Variants in GRM8 observed in about 807,000 individuals in gnomAD.
GRM8 encodes metabotropic glutamate receptor 8.
Under a neutral mutation model 87.2 loss-of-function variants are expected in GRM8, and 47 were observed. That is an observed-to-expected ratio of 0.54 (90% CI 0.43 to 0.69). The LOEUF (loss-of-function observed/expected upper bound fraction) is 0.69, where lower values mean the gene tolerates loss of function less well. Ranked by LOEUF, GRM8 falls within the 30% of genes least tolerant of loss-of-function variation. The pLI is 0.00. For missense variants in GRM8, 1,019 were observed against 1,139.2 expected, an observed-to-expected ratio of 0.89 and a Z score of 1.52; for synonymous variants, 396 against 404.5, an observed-to-expected ratio of 0.98 and a Z score of 0.25.
At chr7:126,808,044 T>TA (rs1254355853) in intron 6 of GRM8, among the ~76,000 whole-genome samples, 3 of 152,092 alleles carry the variant, frequency 2.0e-5, no homozygotes, top group Non-Finnish European at 4.4e-5. Flanking sequence ...ACAGCTACAG[T>TA]AAAAATAGAT....
intron 9 of GRM8, among the ~76,000 whole-genome samples, chr7:126,515,996 T>C (rs1812108127): frequency 6.6e-6 from 1 of 152,136 alleles, no homozygotes; most frequent in African/African-American, 2.4e-5. Flanking sequence ...GTCTACTTTA[T>C]ATATTTTATT....
chr7:126,649,045 C>G (rs1278838132), intron 7 of GRM8, among the ~76,000 whole-genome samples: 1 of 152,188 alleles, frequency 6.6e-6, no homozygotes, highest in Non-Finnish European at 1.5e-5. Flanking sequence ...TCAAGTACAT[C>G]ACACTATCTT....
At chr7:126,484,338 C>T (rs755466937) in intron 9 of GRM8, among the ~76,000 whole-genome samples, 1 of 151,912 alleles carries the variant, frequency 6.6e-6, no homozygotes, top group Non-Finnish European at 1.5e-5. Flanking sequence ...TACATTATGA[C>T]TAAGGAAATA....
chr7:126,919,958 T>C lies in GRM8; in HGVS notation c.728-15275A>G, dbSNP rs533330287. Among the ~76,000 whole-genome samples the C allele has an allele frequency of 3.3e-5, 5 of 152,314 alleles. No homozygotes were observed. The East Asian group carries it at 7.7e-4, about 23-fold the overall frequency. ...AATAGAACACATTCATTTACCTCCA[T>C]GTTATAAACTGAATGTCTGTGTACT... On this transcript the variant is annotated intron_variant, in intron 3 of 10. Coordinates refer to ENST00000339582, the MANE Select transcript of GRM8 (RefSeq NM_000845.3).
chr7:127,228,653 A>T (rs931201671), intron 2 of GRM8: 5 of 152,186 alleles, frequency 3.3e-5, no homozygotes, highest in African/African-American at 1.2e-4. Flanking sequence ...AATTAGGAAA[A>T]ATAATCACTT....
In GRM8 at chr7:126,994,226, C is replaced by A. The variant is rs17865306; in HGVS notation, c.728-89543G>T. ...CTACCTCCCAGATGACATTTCTAGA[C>A]ACACTCTCGGCCAGAAGAGAAACAT... On this transcript the variant is annotated intron_variant, in intron 3 of 10. Coordinates refer to ENST00000339582, the MANE Select transcript of GRM8 (RefSeq NM_000845.3). 1.2e-4 allele frequency among the ~76,000 whole-genome samples: 18 copies of A among 152,276 alleles called. No homozygotes were observed. In the East Asian group the frequency reaches 2.9e-3, roughly 25 times the overall value.
intron 6 of GRM8, among the ~76,000 whole-genome samples, chr7:126,818,970 A>G (rs1183885706): frequency 2.0e-5 from 3 of 151,910 alleles, no homozygotes; most frequent in Non-Finnish European, 2.9e-5. Context: ...TGTCACTTCC[A>G]CCTTCTGAGA....
In GRM8 at chr7:126,683,529, CTTAA is replaced by C. The variant is rs1807848633; in HGVS notation, c.1358-74035_1358-74032del. ...GACCTAGTGAGCCTTTCTCTTTTTCCTTAATTTTCCCTTATCCTTTTCTCCTAGG... is the reference window on the plus strand; with the variant it reads ...GACCTAGTGAGCCTTTCTCTTTTTCCTTTTCCCTTATCCTTTTCTCCTAGG... On this transcript the variant is annotated intron_variant, in intron 7 of 10. Transcript: ENST00000339582. 7.2e-5 allele frequency among the ~76,000 whole-genome samples: 11 copies of C among 152,234 alleles called. No individual in the cohort carries two copies. In the South Asian group the frequency reaches 2.3e-3, roughly 32 times the overall value.
intron 6 of GRM8, among the ~76,000 whole-genome samples, chr7:126,885,514 C>A (rs191673324): frequency 6.6e-6 from 1 of 152,194 alleles, no homozygotes; most frequent in Non-Finnish European, 1.5e-5. Context: ...CCTAGCCAGA[C>A]CTAACTCAGT....
intron 5 of GRM8, 33 bp downstream of exon 5, chr7:126,903,939 G>A (rs1586396211): frequency 2.2e-6 from 3 of 1,334,694 alleles, no homozygotes; most frequent in Middle Eastern, 3.9e-4. Context: ...GATCCAACTG[G>A]AATAAAACAA....
At chr7:127,051,701 G>A (rs1169139884) in intron 3 of GRM8, among the ~76,000 whole-genome samples, 1 of 108,666 alleles carries the variant, frequency 9.2e-6, no homozygotes, top group African/African-American at 3.6e-5. Flanking sequence ...GGAGTTCCAT[G>A]TATCAACACA....
At chr7:126,866,728 A>G (rs1460875924) in intron 6 of GRM8, among the ~76,000 whole-genome samples, 1 of 151,212 alleles carries the variant, frequency 6.6e-6, no homozygotes, top group East Asian at 1.9e-4. Flanking sequence ...AGTAGCTGGG[A>G]TTACAGGTGC....
chr7:126,537,772 G>A (rs760362805), intron 8 of GRM8, among the ~76,000 whole-genome samples: 4 of 151,434 alleles, frequency 2.6e-5, no homozygotes, highest in East Asian at 1.9e-4. Context: ...GCGAGACTCC[G>A]TCAAAAAAAA....
intron 8 of GRM8, among the ~76,000 whole-genome samples, chr7:126,585,974 T>G (rs950225085): frequency 1.3e-5 from 2 of 152,126 alleles, no homozygotes; most frequent in African/African-American, 2.4e-5. Flanking sequence ...ATAAGCAACC[T>G]CAGCAAAGTC....
At chr7:127,172,746 T>C (rs1395242938) in intron 2 of GRM8, among the ~76,000 whole-genome samples, 1 of 152,024 alleles carries the variant, frequency 6.6e-6, no homozygotes, top group African/African-American at 2.4e-5. Context: ...ATTTCCTTTA[T>C]GGCCATTATT....
At chr7:127,085,240 C>A (rs2132834007) in intron 3 of GRM8, among the ~76,000 whole-genome samples, 1 of 152,328 alleles carries the variant, frequency 6.6e-6, no homozygotes, top group Middle Eastern at 3.4e-3. Flanking sequence ...GGTTCCAAGT[C>A]TTCGCTATTG....
chr7:126,612,826 C>T (rs1424481658), intron 7 of GRM8, among the ~76,000 whole-genome samples: 1 of 152,258 alleles, frequency 6.6e-6, no homozygotes, highest in African/African-American at 2.4e-5. Context: ...CTTCCCTCTT[C>T]ATGACATTAT....
intron 9 of GRM8, among the ~76,000 whole-genome samples, chr7:126,496,316 G>T (rs926520282): frequency 2.0e-5 from 3 of 151,788 alleles, no homozygotes; most frequent in African/African-American, 7.3e-5. Flanking sequence ...AAACGAAAGA[G>T]AATCTGCAGA....
chr7:126,639,610 G>A (rs1258771831), intron 7 of GRM8, among the ~76,000 whole-genome samples: 5 of 152,092 alleles, frequency 3.3e-5, no homozygotes, highest in Non-Finnish European at 7.4e-5. Context: ...GGCAAAGTTA[G>A]GACATTTCTT....
Sources: allele counts gnomAD v4.1 joint callset (sites outside exome capture counted in the v4.1 genomes callset), GRCh38; gene constraint gnomAD v4.1.1; transcripts MANE v1.5; gene names NCBI Gene and HGNC (gene_info 2026-07-23, HGNC 2026-07-21).